Variants in TMEM135 observed in about 807,000 individuals in gnomAD.
TMEM135 encodes peroxisomal membrane protein 52.
Under a neutral mutation model 60.3 loss-of-function variants are expected in TMEM135, and 30 were observed. The observed-to-expected ratio is 0.50, with a 90% CI of 0.37 to 0.68. The LOEUF (loss-of-function observed/expected upper bound fraction) is 0.68, where lower values mean the gene tolerates loss of function less well. Among genes scored for constraint, TMEM135 ranks in the 30% least tolerant of loss-of-function variants. The pLI, the probability that TMEM135 is intolerant of heterozygous loss-of-function variation, is 0.00. For missense variants in TMEM135, 468 were observed against 548.8 expected, an observed-to-expected ratio of 0.85 and a Z score of 1.47; for synonymous variants, 190 against 186.7, an observed-to-expected ratio of 1.02 and a Z score of -0.14.
chr11:87,210,606 A>G (rs1398838557), intron 5 of TMEM135, among the ~76,000 whole-genome samples: 3 of 152,100 alleles, frequency 2.0e-5, no homozygotes, highest in Admixed American at 6.5e-5. Flanking sequence ...GCTACTACTA[A>G]TGCTACTGAA....
At chr11:87,161,353 G>C (rs1442865869) in intron 5 of TMEM135, among the ~76,000 whole-genome samples, 1 of 152,132 alleles carries the variant, frequency 6.6e-6, no homozygotes, top group African/African-American at 2.4e-5. Flanking sequence ...GAAAGATGTA[G>C]TTCTGTCTTC....
intron 5 of TMEM135, among the ~76,000 whole-genome samples, chr11:87,223,688 C>A (rs1049752167): frequency 2.6e-5 from 4 of 151,510 alleles, no homozygotes; most frequent in African/African-American, 9.7e-5. Flanking sequence ...CACACACACA[C>A]ACACACACAA....
At chr11:87,280,653 A>C (rs1472866325) in intron 6 of TMEM135, among the ~76,000 whole-genome samples, 1 of 152,190 alleles carries the variant, frequency 6.6e-6, no homozygotes, top group Non-Finnish European at 1.5e-5. Flanking sequence ...TTTATATTAA[A>C]GTACTTTCTA....
chr11:87,102,882 A>G (rs1857495785), intron 4 of TMEM135, among the ~76,000 whole-genome samples: 1 of 151,932 alleles, frequency 6.6e-6, no homozygotes, highest in South Asian at 2.1e-4. Context: ...CCTGCTGTGC[A>G]ATATATCTCA....
At chr11:87,059,317 T>TTG (rs1365856997) in intron 1 of TMEM135, among the ~76,000 whole-genome samples, 1 of 151,536 alleles carries the variant, frequency 6.6e-6, no homozygotes, top group Non-Finnish European at 1.5e-5. Context: ...CTTTTTTTTT[T>TTG]TTTTTGAGAT....
rs1459349078 is a variant in TMEM135 at position 87,324,733 on chromosome 11, A to G, written c.*3400A>G. The G allele has an allele frequency of 1.1e-5, 5 of 453,658 alleles. No individual in the cohort carries two copies. The highest frequency in any genetic ancestry group is 9.4e-5 in the Admixed American group (4 of 42,514). The allele number at this position is 453,658 out of a possible 1,614,324, so 28.1% of individuals were successfully genotyped here. A position where few individuals can be genotyped will look rare whatever the true frequency, so the allele number is the denominator to read the frequency against. On this transcript the variant is annotated 3_prime_UTR_variant, in exon 15 of 15. Transcript: ENST00000305494. ...GGTGTGAGCCACGGTACCTAGCCAT[A>G]TTTTTATTTGTATGAGTATTAAGTA...
Position 87,206,650 on chromosome 11 carries a change from T to C in TMEM135, c.463-29988T>C, listed in dbSNP as rs540251319. Among the ~76,000 whole-genome samples, 5 of 152,298 alleles carry C rather than the reference T, an allele frequency of 3.3e-5. No individual in the cohort carries two copies. The South Asian group carries it at 1.0e-3, about 32-fold the overall frequency. ...CTTAATGTTAGTTTAAGAATATTTA[T>C]TATATACACATCATTGAGTTACCTA... On this transcript the variant is annotated intron_variant, in intron 5 of 14. Transcript: ENST00000305494.
At chr11:87,266,330 T>G (rs1378430211) in intron 6 of TMEM135, among the ~76,000 whole-genome samples, 12 of 152,184 alleles carry the variant, frequency 7.9e-5, no homozygotes, top group Admixed American at 7.9e-4. Flanking sequence ...AATAATAACA[T>G]TGTGAAATTT....
At chr11:87,227,305 G>A (rs1940786415) in intron 5 of TMEM135, among the ~76,000 whole-genome samples, 1 of 151,940 alleles carries the variant, frequency 6.6e-6, no homozygotes, top group Non-Finnish European at 1.5e-5. Context: ...GAACTTTGAA[G>A]TTCTGAAGTA....
intron 4 of TMEM135, among the ~76,000 whole-genome samples, chr11:87,129,724 A>G (rs1163926381): frequency 6.6e-6 from 1 of 151,672 alleles, no homozygotes. Flanking sequence ...TATTTTTAGT[A>G]GAGATGTGGT....
intron 5 of TMEM135, among the ~76,000 whole-genome samples, chr11:87,161,730 A>T (rs1776593884): frequency 6.6e-6 from 1 of 152,140 alleles, no homozygotes; most frequent in Admixed American, 6.5e-5. Context: ...TTGTGGCTCT[A>T]TTGTTTGAAT....
At chr11:87,081,568 T>C (rs1176480758) in intron 3 of TMEM135, among the ~76,000 whole-genome samples, 3 of 152,124 alleles carry the variant, frequency 2.0e-5, no homozygotes, top group Non-Finnish European at 4.4e-5. Context: ...GTGTTACTGA[T>C]ATTAAGAGCA....
In TMEM135 at chr11:87,325,243, A is replaced by G. The variant is rs750003194; in HGVS notation, c.*3910A>G. On this transcript the variant is annotated 3_prime_UTR_variant, in exon 15 of 15. Transcript: ENST00000305494. Reference sequence around the variant, plus strand: ...CCCTGTAGTTGCAAAAAGGGTAACTACAAAGAAATGAAACTGACTCTAGTG... The same window carrying G: ...CCCTGTAGTTGCAAAAAGGGTAACTGCAAAGAAATGAAACTGACTCTAGTG... 119 of 454,084 alleles carry G rather than the reference A, an allele frequency of 2.6e-4. 4 individuals are homozygous for G. The highest frequency in any genetic ancestry group is 1.8e-3 in the South Asian group (116 of 64,478). 28.1% of individuals were successfully genotyped at this position (454,084 alleles called of 1,614,324 possible).
chr11:87,129,787 C>T (rs1937865315), intron 4 of TMEM135, among the ~76,000 whole-genome samples: 1 of 151,792 alleles, frequency 6.6e-6, no homozygotes, highest in African/African-American at 2.4e-5. Context: ...GTGATCTGCC[C>T]TCCTTAGCCT....
chr11:87,304,167 T>C (rs961618739), intron 8 of TMEM135, among the ~76,000 whole-genome samples: 1 of 152,128 alleles, frequency 6.6e-6, no homozygotes, highest in African/African-American at 2.4e-5. Context: ...GGCCAGGAGT[T>C]TGAGACCAGC....
chr11:87,286,018 G>A (rs1942158673), intron 6 of TMEM135, among the ~76,000 whole-genome samples: 1 of 152,132 alleles, frequency 6.6e-6, no homozygotes, highest in Admixed American at 6.5e-5. Context: ...GTTACAGAGT[G>A]CTGATTGGTG....
chr11:87,195,311 CTCTTTCCTTCCTTCCTTCCTTCCTTCCT>C (rs1382720148), intron 5 of TMEM135, among the ~76,000 whole-genome samples: 17 of 138,058 alleles, frequency 1.2e-4, no homozygotes, highest in East Asian at 1.1e-3. Context: ...CTCTTTCTTT[CTCTTTCCTTCCTTCCTTCCTTCCTTCCT>C]TCCTTCCTTC....
intron 5 of TMEM135, among the ~76,000 whole-genome samples, chr11:87,158,578 CA>C: frequency 6.6e-6 from 1 of 151,800 alleles, no homozygotes; most frequent in South Asian, 2.1e-4. Flanking sequence ...TCTCCTGCCT[CA>C]GCCTCCCAAG....
At chr11:87,248,881 G>T (rs1941353925) in intron 6 of TMEM135, among the ~76,000 whole-genome samples, 2 of 151,980 alleles carry the variant, frequency 1.3e-5, no homozygotes, top group African/African-American at 2.4e-5. Context: ...TTGTAAATGG[G>T]ATTACTTTCT....
Sources: gnomAD v4.1 joint callset for allele counts (sites outside exome capture counted in the v4.1 genomes callset) on GRCh38, gnomAD v4.1.1 for gene constraint, MANE v1.5 for transcripts, NCBI Gene and HGNC (gene_info 2026-07-23, HGNC 2026-07-21) for gene names.